Variants in PMIS2 observed in about 807,000 individuals in gnomAD.
The protein encoded by PMIS2 is PMIS2 transmembrane protein, also known as transmembrane protein PMIS2.
rs1487211745 is a variant in PMIS2, at chr19:35,586,163, T to C, written c.-97T>C. Reference sequence around the variant, plus strand: ...ATTGCGAAGCTTCAGCCTTTGATGGTTTGGGTCCTGGGAGTCTGGTTAGTA... The same window carrying C: ...ATTGCGAAGCTTCAGCCTTTGATGGCTTGGGTCCTGGGAGTCTGGTTAGTA... On this transcript the variant is annotated 5_prime_UTR_variant, in exon 1 of 2. Transcript: ENST00000646476. 4 of 398,184 alleles carry C rather than the reference T, an allele frequency of 1.0e-5. No homozygotes were observed. Among genetic ancestry groups the C allele is most frequent in the Admixed American group, 4.4e-5 (1 of 22,724 alleles). The allele number at this position is 398,184 out of a possible 1,614,324, so 24.7% of individuals were successfully genotyped here.
chr19:35,587,099 G>A, exon 2 of PMIS2: 2 of 398,604 alleles, frequency 5.0e-6, no homozygotes, highest in African/African-American at 2.1e-5. Flanking sequence ...CGGTGCATTC[G>A]TGGTAATGAT....
At chr19:35,587,138 C>T in exon 2 of PMIS2, 1 of 398,608 alleles carries the variant, frequency 2.5e-6, no homozygotes, top group Non-Finnish European at 4.4e-6. Context: ...TGGCTTGGTC[C>T]TATATTAATG....
intron 1 of PMIS2, 100 bp downstream of exon 1, chr19:35,586,641 G>T: frequency 5.1e-6 from 2 of 391,440 alleles, no homozygotes; most frequent in Non-Finnish European, 8.9e-6. Flanking sequence ...GTGCAGTGGT[G>T]CAATCTCGGC....
At chr19:35,587,048 T>G (rs2071782700) in exon 2 of PMIS2, 3 of 398,652 alleles carry the variant, frequency 7.5e-6, no homozygotes, top group Non-Finnish European at 1.3e-5. Flanking sequence ...GAACAGTGAA[T>G]GGGAAGAGGC....
At chr19:35,586,888 T>C in intron 1 of PMIS2, 88 bp from the exon 2 acceptor site, 1 of 398,146 alleles carries the variant, frequency 2.5e-6, no homozygotes, top group Non-Finnish European at 4.4e-6. Flanking sequence ...TACCCTGTCC[T>C]CCATTTGGCC....
chr19:35,586,315 C>T (rs899874893), exon 1 of PMIS2: 42 of 398,222 alleles, frequency 1.1e-4, no homozygotes, highest in Non-Finnish European at 1.7e-4. Context: ...CCAGCTACCC[C>T]AGACGCCCCC....
At chr19:35,586,405 T>A (rs2071779846) in exon 1 of PMIS2, 1 of 398,626 alleles carries the variant, frequency 2.5e-6, no homozygotes, top group South Asian at 1.3e-4. Flanking sequence ...CCAGCTGAGG[T>A]GCCCCAGGAG....
At chr19:35,586,573 CT>C (rs58198918) in intron 1 of PMIS2, 32 bp downstream of exon 1, 29,613 of 351,864 alleles carry the variant, frequency 0.084, 3 homozygotes, top group East Asian at 0.14. Flanking sequence ...AGCCCCCGTC[CT>C]TTTTTTTTTT....
intron 1 of PMIS2, 108 bp downstream of exon 1, chr19:35,586,649 G>A (rs180785734): frequency 5.1e-6 from 2 of 391,978 alleles, no homozygotes; most frequent in Non-Finnish European, 8.9e-6. Flanking sequence ...GTGCAATCTC[G>A]GCTCACTGCA....
exon 2 of PMIS2, chr19:35,587,157 GC>G: frequency 2.5e-6 from 1 of 398,552 alleles, no homozygotes; most frequent in Non-Finnish European, 4.4e-6. Flanking sequence ...TGAAGTCTAG[GC>G]ATAGCAACCC....
chr19:35,587,284 C>T, downstream of PMIS2: 1 of 394,876 alleles, frequency 2.5e-6, no homozygotes. Context: ...CCAAGGAACT[C>T]AACATTCAAG....
exon 1 of PMIS2, chr19:35,586,328 T>C (rs999089820): frequency 2.8e-6 from 1 of 359,446 alleles, no homozygotes; most frequent in Non-Finnish European, 4.7e-6. Context: ...ACGCCCCCCC[T>C]ACCACAGGTG....
At chr19:35,586,930 A>G (rs963350758) in intron 1 of PMIS2, 46 bp from the exon 2 acceptor site, 84 of 398,480 alleles carry the variant, frequency 2.1e-4, no homozygotes, top group Non-Finnish European at 2.7e-5. Flanking sequence ...GGACCTGCAT[A>G]GGGGCTTTCC....
In PMIS2 at chr19:35,586,929, T is replaced by C. The variant is rs547867116; in HGVS notation, c.283-92T>C. 2.6e-4 allele frequency: 103 copies of C among 398,650 alleles called. 3 individuals carry two copies. In the South Asian group the frequency reaches 6.3e-3, roughly 24 times the overall value. 24.7% of individuals were successfully genotyped at this position (398,650 alleles called of 1,614,324 possible). A position where few individuals can be genotyped will look rare whatever the true frequency, so the allele number is the denominator to read the frequency against. On this transcript the variant is annotated intron_variant, in intron 1 of 1. Transcript: ENST00000646476. ...ATCTGCTCCTATCCTGGGACCTGCA[T>C]AGGGGCTTTCCCTCAGTGACTGCAG...
chr19:35,586,457 C>T (rs969845248), exon 1 of PMIS2: 12 of 398,538 alleles, frequency 3.0e-5, no homozygotes, highest in South Asian at 1.3e-4. Context: ...TAGCATTTTA[C>T]GCCCCAAACT....
exon 1 of PMIS2, chr19:35,586,321 C>G (rs141347027): frequency 3.5e-4 from 140 of 398,030 alleles, no homozygotes; most frequent in African/African-American, 2.7e-3. Context: ...ACCCCAGACG[C>G]CCCCCCTACC....
exon 1 of PMIS2, chr19:35,586,503 C>T (rs1209331783): frequency 1.0e-5 from 4 of 398,428 alleles, no homozygotes; most frequent in Middle Eastern, 1.2e-3. Flanking sequence ...ACTTTTATTC[C>T]CTCCATTTGG....
At chr19:35,586,299 A>C in exon 1 of PMIS2, 1 of 398,836 alleles carries the variant, frequency 2.5e-6, no homozygotes. Context: ...GCCTGCTCCC[A>C]ACGCGCCAGC....
At chr19:35,586,646 C>T (rs2071781014) in intron 1 of PMIS2, 105 bp downstream of exon 1, 1 of 390,538 alleles carries the variant, frequency 2.6e-6, no homozygotes, top group Admixed American at 4.5e-5. Flanking sequence ...GTGGTGCAAT[C>T]TCGGCTCACT....
Sources: gnomAD v4.1 joint callset for allele counts on GRCh38, gnomAD v4.1.1 for gene constraint, MANE v1.5 for transcripts, NCBI Gene and HGNC (gene_info 2026-07-23, HGNC 2026-07-21) for gene names.